Variants in CNTN5 observed in about 807,000 individuals in gnomAD.
The protein encoded by CNTN5 is contactin 5.
In CNTN5, 77 loss-of-function variants were observed where a neutral mutation model predicts 129.1. The ratio of observed to expected loss-of-function variants is 0.60; its 90% confidence interval spans 0.50 to 0.72. The LOEUF (loss-of-function observed/expected upper bound fraction) is 0.72, where lower values mean the gene tolerates loss of function less well. CNTN5 is among the 30% of genes least tolerant of loss of function. CNTN5 has a pLI of 0.00. For synonymous variants in CNTN5, 509 were observed against 465.6 expected (o/e 1.09, Z -1.20); for missense variants, 1,478 against 1,328.8 (o/e 1.11, Z -1.75).
chr11:99,236,772 T>C (rs1252138886), intron 1 of CNTN5, among the ~76,000 whole-genome samples: 1 of 152,178 alleles, frequency 6.6e-6, no homozygotes, highest in African/African-American at 2.4e-5. Flanking sequence ...ACTATTTTTA[T>C]AAGTATTTTC....
intron 3 of CNTN5, among the ~76,000 whole-genome samples, chr11:99,705,575 T>G (rs569985292): frequency 6.6e-6 from 1 of 151,558 alleles, no homozygotes; most frequent in East Asian, 1.9e-4. Context: ...TTTTTACTTT[T>G]GTCAGGTTTG....
At chr11:99,153,770 G>A (rs935826165) in intron 1 of CNTN5, among the ~76,000 whole-genome samples, 2 of 149,944 alleles carry the variant, frequency 1.3e-5, no homozygotes, top group South Asian at 2.1e-4. Context: ...TCCTCTATGT[G>A]GCCTGATGTT....
chr11:99,827,875 C>T (rs1363110249), intron 4 of CNTN5, among the ~76,000 whole-genome samples: 1 of 152,104 alleles, frequency 6.6e-6, no homozygotes. Context: ...CGGTCAATAA[C>T]ATATGTAGAA....
At chr11:99,073,897 G>A (rs7936957) in intron 1 of CNTN5, among the ~76,000 whole-genome samples, 1 of 150,352 alleles carries the variant, frequency 6.7e-6, no homozygotes, top group Non-Finnish European at 1.5e-5. Flanking sequence ...ACTCAGTAAT[G>A]GGATTGCTGG....
intron 2 of CNTN5, among the ~76,000 whole-genome samples, chr11:99,464,444 A>G (rs1321166574): frequency 6.6e-6 from 1 of 152,204 alleles, no homozygotes; most frequent in African/African-American, 2.4e-5. Flanking sequence ...CAGTATGAAC[A>G]TATTTGTGAA....
intron 2 of CNTN5, among the ~76,000 whole-genome samples, chr11:99,528,845 C>T (rs1443179128): frequency 6.6e-6 from 1 of 151,792 alleles, no homozygotes. Flanking sequence ...GGGTGGATCA[C>T]CTGAGGTCAG....
intron 3 of CNTN5, among the ~76,000 whole-genome samples, chr11:99,663,444 G>T (rs1417267453): frequency 6.6e-6 from 1 of 152,090 alleles, no homozygotes; most frequent in Non-Finnish European, 1.5e-5. Flanking sequence ...CTCCATCCTG[G>T]GTAACAGAGC....
intron 2 of CNTN5, among the ~76,000 whole-genome samples, chr11:99,351,791 A>G (rs1197784506): frequency 1.3e-5 from 2 of 152,184 alleles, no homozygotes; most frequent in Admixed American, 6.5e-5. Context: ...AAAAGATTAC[A>G]ACCATCTTTT....
intron 3 of CNTN5, among the ~76,000 whole-genome samples, chr11:99,695,130 A>C (rs1269842730): frequency 2.6e-5 from 4 of 152,074 alleles, no homozygotes; most frequent in Non-Finnish European, 5.9e-5. Flanking sequence ...TAAATTAGGT[A>C]GAAGGGTAAT....
At chr11:100,138,057 G>A (rs929760762) in intron 13 of CNTN5, among the ~76,000 whole-genome samples, 6 of 152,036 alleles carry the variant, frequency 3.9e-5, no homozygotes, top group African/African-American at 1.4e-4. Context: ...GACGGAAAGG[G>A]AAATGAAGGA....
At position 100,272,714 on chromosome 11, in the gene CNTN5, C is replaced by T. The variant is rs560771620; in HGVS notation, c.2314+1473C>T. On this transcript the variant is annotated intron_variant, in intron 18 of 24. Coordinates refer to ENST00000524871, the MANE Select transcript of CNTN5 (RefSeq NM_014361.4). ...GGGGGAAAACGTTGGGACCCCTACGCGGGGCTACAGCACACCCGGATTTAT... is the reference window on the plus strand; with the variant it reads ...GGGGGAAAACGTTGGGACCCCTACGTGGGGCTACAGCACACCCGGATTTAT... 1.3e-4 allele frequency among the ~76,000 whole-genome samples: 20 copies of T among 152,178 alleles called. 1 individual carries two copies. The South Asian group carries it at 1.5e-3, about 11-fold the overall frequency.
chr11:100,072,449 A>G (rs1366843661), intron 12 of CNTN5, among the ~76,000 whole-genome samples: 2 of 152,320 alleles, frequency 1.3e-5, no homozygotes, highest in African/African-American at 2.4e-5. Context: ...ATCCAGTGAA[A>G]TAGACTACCC....
In CNTN5 at chr11:100,016,353, G is replaced by T. The variant is rs187526300; in HGVS notation, c.980+14217G>T. 8.5e-5 allele frequency among the ~76,000 whole-genome samples: 13 copies of T among 152,114 alleles called. No homozygotes were observed. In the East Asian group the frequency reaches 1.7e-3, roughly 20 times the overall value. On this transcript the variant is annotated intron_variant, in intron 9 of 24. Transcript: ENST00000524871. ...TAATAATTTTATTGTAAAGCAATTT[G>T]CTGTAAAGTTAAAATATTGCAACTT...
intron 2 of CNTN5, among the ~76,000 whole-genome samples, chr11:99,551,046 C>A (rs1449828760): frequency 6.6e-6 from 1 of 152,072 alleles, no homozygotes; most frequent in Non-Finnish European, 1.5e-5. Flanking sequence ...TAATGAAAGC[C>A]TCCAAGAATC....
chr11:99,754,217 C>A (rs1211711331), intron 3 of CNTN5, among the ~76,000 whole-genome samples: 1 of 152,048 alleles, frequency 6.6e-6, no homozygotes, highest in East Asian at 1.9e-4. Context: ...AATATTAGTG[C>A]TGGTTGTGGT....
intron 3 of CNTN5, among the ~76,000 whole-genome samples, chr11:99,735,862 G>A (rs976803376): frequency 2.0e-5 from 3 of 152,102 alleles, no homozygotes; most frequent in African/African-American, 7.2e-5. Context: ...CTACAGTCAC[G>A]TTGCTGTACT....
At chr11:100,125,123 G>A (rs1218571597) in intron 13 of CNTN5, among the ~76,000 whole-genome samples, 1 of 152,002 alleles carries the variant, frequency 6.6e-6, no homozygotes, top group Non-Finnish European at 1.5e-5. Context: ...AGAAAATAAA[G>A]TGGGAGATAT....
intron 17 of CNTN5, among the ~76,000 whole-genome samples, chr11:100,260,746 C>T (rs774592504): frequency 1.9e-4 from 29 of 152,054 alleles, no homozygotes; most frequent in Admixed American, 4.6e-4. Context: ...AATTCAACAA[C>T]GCTTCATGCT....
chr11:100,316,682 C>T (rs945274487), intron 21 of CNTN5, among the ~76,000 whole-genome samples: 1 of 152,040 alleles, frequency 6.6e-6, no homozygotes, highest in African/African-American at 2.4e-5. Flanking sequence ...ATTTTTAAAA[C>T]ATTCATATTT....
Sources: gnomAD v4.1 joint callset for allele counts (sites outside exome capture counted in the v4.1 genomes callset) on GRCh38, gnomAD v4.1.1 for gene constraint, MANE v1.5 for transcripts, NCBI Gene and HGNC (gene_info 2026-07-23, HGNC 2026-07-21) for gene names.